Variants in ABCB10 observed in about 807,000 individuals in gnomAD.
The protein encoded by ABCB10 is ATP-binding cassette sub-family B member 10, mitochondrial.
ABCB10 carries 54 observed loss-of-function variants against 65.4 expected under a neutral mutation model. That is an observed-to-expected ratio of 0.83 (90% confidence interval 0.66 to 1.04). ABCB10 has a LOEUF of 1.04. ABCB10 is among the 50% of genes least tolerant of loss of function. ABCB10 has a pLI of 0.00. For synonymous variants in ABCB10, 418 were observed against 406.5 expected (o/e 1.03, Z -0.34); for missense variants, 846 against 976.6 (o/e 0.87, Z 1.78).
intron 10 of ABCB10, among the ~76,000 whole-genome samples, chr1:229,525,344 T>C (rs532201400): frequency 2.7e-4 from 41 of 151,872 alleles, no homozygotes; most frequent in African/African-American, 9.4e-4. Flanking sequence ...GCAAAGCACA[T>C]TTGTTGTTGT....
At position 229,526,635 on chromosome 1, in the gene ABCB10, C is replaced by G. The variant is rs1662451183; in HGVS notation, c.1726-519G>C. 2.0e-5 allele frequency among the ~76,000 whole-genome samples: 3 copies of G among 152,218 alleles called. No individual in the cohort carries two copies. In the South Asian group the frequency reaches 6.2e-4, roughly 31 times the overall value. ...GAGTGGGGAGAGGATGAGCTAATCA[C>G]AAAGAGAGGTTCAGAAATGGGGGGA... On this transcript the variant is annotated intron_variant, in intron 9 of 12. Transcript: ENST00000344517.
intron 4 of ABCB10, among the ~76,000 whole-genome samples, chr1:229,541,857 C>T (rs988132994): frequency 2.6e-5 from 4 of 150,950 alleles, no homozygotes; most frequent in African/African-American, 7.3e-5. Flanking sequence ...GGAGATCACT[C>T]GAGCCTGGGA....
chr1:229,551,149 G>A (rs116778295), intron 1 of ABCB10, among the ~76,000 whole-genome samples: 2,695 of 152,236 alleles, frequency 0.018, 77 homozygotes, highest in African/African-American at 0.06. Context: ...ACATTTAGTC[G>A]ACAAACAGAG....
chr1:229,543,384 G>C (rs1433504125), intron 3 of ABCB10, among the ~76,000 whole-genome samples: 1 of 152,176 alleles, frequency 6.6e-6, no homozygotes, highest in Non-Finnish European at 1.5e-5. Context: ...ACTTTCAATA[G>C]TACTGGCATC....
Position 229,516,583 on chromosome 1 carries a change from A to G in ABCB10, c.*1596T>C, listed in dbSNP as rs531435378. ...AAAAAAAAAAGTGACAGACACAGAT[A>G]AAGTTCACTATAAATTTTAATCTAT... On this transcript the variant is annotated 3_prime_UTR_variant, in exon 13 of 13. Coordinates refer to ENST00000344517, the MANE Select transcript of ABCB10 (RefSeq NM_012089.3). 6.6e-6 allele frequency: 1 copy of G among 152,318 alleles called. No individual in the cohort carries two copies. Among genetic ancestry groups the G allele is most frequent in the South Asian group, 2.1e-4 (1 of 4,832 alleles). The allele number at this position is 152,318 out of a possible 1,614,324, so 9.4% of individuals were successfully genotyped here. A position where few individuals can be genotyped will look rare whatever the true frequency, so the allele number is the denominator to read the frequency against.
intron 6 of ABCB10, 47 bp downstream of exon 6, chr1:229,539,409 C>A: frequency 6.3e-7 from 1 of 1,598,206 alleles, no homozygotes. Context: ...AGAAATGATG[C>A]TCTGATTTTT....
Position 229,555,213 on chromosome 1 carries a change from C to T in ABCB10, c.517+2923G>A, listed in dbSNP as rs530794042. Among the ~76,000 whole-genome samples the T allele has an allele frequency of 2.6e-5, 4 of 152,324 alleles. No individual in the cohort carries two copies. The South Asian group carries it at 8.3e-4, about 32-fold the overall frequency. Reference sequence around the variant, plus strand: ...TAGGGGCCCACATTTGCTCCTAAAACCCTGCCCCTAACTCACTCAGGTCAG... The same window carrying T: ...TAGGGGCCCACATTTGCTCCTAAAATCCTGCCCCTAACTCACTCAGGTCAG... On this transcript the variant is annotated intron_variant, in intron 1 of 12. Transcript: ENST00000344517.
intron 1 of ABCB10, among the ~76,000 whole-genome samples, chr1:229,556,992 TTAC>T (rs1247733954): frequency 6.6e-6 from 1 of 151,368 alleles, no homozygotes. Flanking sequence ...AAAAGATATT[TTAC>T]AACAAAATCT....
At chr1:229,520,483 A>G (rs1662280148) in intron 11 of ABCB10, among the ~76,000 whole-genome samples, 1 of 152,024 alleles carries the variant, frequency 6.6e-6, no homozygotes, top group African/African-American at 2.4e-5. Context: ...AAAAAGAAAA[A>G]AAGAAAAAAG....
chr1:229,558,609 G>A lies in ABCB10; in HGVS notation c.44C>T (p.Pro15Leu), dbSNP rs1429898761. Reference sequence around the variant, plus strand: ...GAGCCGACCTGGCTCGGCAGGGCTCGGTGGCTCGAGCAGCCGCAGCGGCCA... The same window carrying A: ...GAGCCGACCTGGCTCGGCAGGGCTCAGTGGCTCGAGCAGCCGCAGCGGCCA... ...PAWPLRLLEP[P>L]SPAEPGRLLP... The change falls in exon 1 of 13, where the codon CCG (proline) becomes CTG (leucine). Residue 15 changes from proline to leucine, a missense_variant. Around this residue, in one of 2 missense-constraint regions of ABCB10, gnomAD observed 214 missense variants for 173.5 expected, o/e 1.23. Transcript: ENST00000344517. 6 of 1,427,278 alleles carry A rather than the reference G, an allele frequency of 4.2e-6. No individual in the cohort carries two copies. In the African/African-American group the frequency reaches 6.0e-5, roughly 14 times the overall value. The allele number at this position is 1,427,278 out of a possible 1,614,324, so 88.4% of individuals were successfully genotyped here.
At chr1:229,533,461 C>G (rs1322480103) in intron 6 of ABCB10, among the ~76,000 whole-genome samples, 2 of 152,182 alleles carry the variant, frequency 1.3e-5, no homozygotes, top group African/African-American at 4.8e-5. Context: ...ATGCAATGGT[C>G]TACATCAAAT....
intron 1 of ABCB10, among the ~76,000 whole-genome samples, chr1:229,552,602 T>G (rs561620519): frequency 2.6e-5 from 4 of 152,192 alleles, no homozygotes; most frequent in Non-Finnish European, 5.9e-5. Flanking sequence ...TGGGGGTGGT[T>G]GGAGGAAGCT....
At chr1:229,546,708 A>C (rs1263331563) in intron 3 of ABCB10, among the ~76,000 whole-genome samples, 2 of 151,880 alleles carry the variant, frequency 1.3e-5, no homozygotes, top group African/African-American at 4.8e-5. Flanking sequence ...CTGCCTCTAC[A>C]AAAAATATAT....
In ABCB10 at chr1:229,518,416, A is replaced by T. The variant is rs767561420; in HGVS notation, c.1986-6T>A. 6.2e-7 allele frequency: 1 copy of T among 1,612,094 alleles called. No homozygotes were observed. The highest frequency in any genetic ancestry group is 1.1e-5 in the South Asian group (1 of 91,024). The stretch of plus-strand genomic sequence containing the variant: ...CATTTTCGGCATCCAGCGCACTGAC[A>T]CAGGAGCACACACACAAGAAAGCAA... On this transcript the variant is annotated splice_region_variant and splice_polypyrimidine_tract_variant and intron_variant, in intron 12 of 12. Coordinates refer to ENST00000344517, the MANE Select transcript of ABCB10 (RefSeq NM_012089.3).
chr1:229,558,590 A>G lies in ABCB10; in HGVS notation c.63T>C (p.Gly21=). 6.9e-7 allele frequency: 1 copy of G among 1,442,272 alleles called. No individual in the cohort carries two copies. The highest frequency in any genetic ancestry group is 9.1e-7 in the Non-Finnish European group (1 of 1,099,884). 89.3% of individuals were successfully genotyped at this position (1,442,272 alleles called of 1,614,324 possible). The change falls in exon 1 of 13, where the codon GGT becomes GGC. Residue 21 remains glycine (G), a synonymous_variant. Coordinates refer to ENST00000344517, the MANE Select transcript of ABCB10 (RefSeq NM_012089.3). ...LLEPPSPAEP[G]RLLPVACVWA... is the part of the protein sequence containing the mutation. Reference sequence around the variant, plus strand: ...ACACGCAGGCTACCGGCAGGAGCCGACCTGGCTCGGCAGGGCTCGGTGGCT... The same window carrying G: ...ACACGCAGGCTACCGGCAGGAGCCGGCCTGGCTCGGCAGGGCTCGGTGGCT...
chr1:229,521,475 A>G (rs77633913), intron 11 of ABCB10, 117 bp downstream of exon 11: 1 of 1,177,496 alleles, frequency 8.5e-7, no homozygotes, highest in Non-Finnish European at 1.2e-6. Flanking sequence ...CACTCCAAGA[A>G]AAAAAAAAAA....
At chr1:229,540,815 GA>G (rs1662825600) in intron 4 of ABCB10, 63 bp from the exon 5 acceptor site, 1 of 1,490,394 alleles carries the variant, frequency 6.7e-7, no homozygotes, top group Admixed American at 2.3e-5. Context: ...TTCTAAGAAG[GA>G]AAAATAAAAT....
chr1:229,558,318 C>A lies in ABCB10; in HGVS notation c.335G>T (p.Arg112Leu). ...GCCCGGGAACCGGGCGCGCGGGAGCCGAGGAGCGCCTGGCCCGGCAAAAGC... is the reference window on the plus strand; with the variant it reads ...GCCCGGGAACCGGGCGCGCGGGAGCAGAGGAGCGCCTGGCCCGGCAAAAGC... ...CGAFAGPGAP[R>L]LPRARFPGGP... Residue 112 changes from arginine (R) to leucine (L), a missense_variant, in exon 1 of 13, where the codon CGG becomes CTG. Arg to Leu is a moderately radical substitution (Grantham distance 102, BLOSUM62 -2). Coordinates refer to ENST00000344517, the MANE Select transcript of ABCB10 (RefSeq NM_012089.3). The A allele has an allele frequency of 8.0e-7, 1 of 1,247,462 alleles. No individual in the cohort carries two copies. 77.3% of individuals were successfully genotyped at this position (1,247,462 alleles called of 1,614,324 possible).
chr1:229,542,869 G>A (rs146947210), intron 3 of ABCB10, among the ~76,000 whole-genome samples: 389 of 152,116 alleles, frequency 2.6e-3, no homozygotes, highest in African/African-American at 9.0e-3. Context: ...GGTGGCTCAC[G>A]CCTGTAATCT....
Sources: allele counts gnomAD v4.1 joint callset (sites outside exome capture counted in the v4.1 genomes callset), GRCh38; gene constraint gnomAD v4.1.1; regional missense constraint gnomAD v4.1.1; transcripts MANE v1.5; gene names NCBI Gene and HGNC (gene_info 2026-07-23, HGNC 2026-07-21).